KCNH7: variants seen among roughly 807,000 people sequenced by gnomAD.
The protein encoded by KCNH7 is voltage-gated inwardly rectifying potassium channel KCNH7.
Under a neutral mutation model 120.8 loss-of-function variants are expected in KCNH7, and 49 were observed. That is an observed-to-expected ratio of 0.41 (90% CI 0.32 to 0.51). The LOEUF (loss-of-function observed/expected upper bound fraction) is 0.51. Among genes scored for constraint, KCNH7 ranks in the 20% least tolerant of loss-of-function variants. KCNH7 has a pLI of 0.38. For missense variants in KCNH7, 1,097 were observed against 1,446.6 expected, an observed-to-expected ratio of 0.76 and a Z score of 3.92; for synonymous variants, 547 against 516.1, an observed-to-expected ratio of 1.06 and a Z score of -0.81.
At chr2:162,692,093 G>A (rs114000248) in intron 2 of KCNH7, among the ~76,000 whole-genome samples, 374 of 152,036 alleles carry the variant, frequency 2.5e-3, no homozygotes, top group African/African-American at 8.8e-3. Context: ...CATTGTGTAA[G>A]GGAAATTAAT....
At chr2:162,379,362 C>T (rs950210184) in intron 14 of KCNH7, among the ~76,000 whole-genome samples, 3 of 152,148 alleles carry the variant, frequency 2.0e-5, no homozygotes, top group Non-Finnish European at 2.9e-5. Flanking sequence ...TTTAGATCAA[C>T]GGTGAAGGAA....
chr2:162,755,122 T>G (rs1275637805), intron 2 of KCNH7, among the ~76,000 whole-genome samples: 1 of 152,138 alleles, frequency 6.6e-6, no homozygotes, highest in Non-Finnish European at 1.5e-5. Flanking sequence ...TTTTATTTCT[T>G]TAGAACAGAG....
At chr2:162,433,802 C>T (rs1688148465) in intron 8 of KCNH7, among the ~76,000 whole-genome samples, 1 of 151,954 alleles carries the variant, frequency 6.6e-6, no homozygotes, top group Non-Finnish European at 1.5e-5. Context: ...AGTTCAGCAA[C>T]TGTGGAATGC....
intron 6 of KCNH7, among the ~76,000 whole-genome samples, chr2:162,465,164 A>C (rs1462243376): frequency 2.0e-5 from 3 of 152,104 alleles, no homozygotes; most frequent in Non-Finnish European, 4.4e-5. Context: ...TGTCACCAGG[A>C]AGCACTGCTC....
At chr2:162,829,566 G>T (rs1392254419) in intron 2 of KCNH7, among the ~76,000 whole-genome samples, 1 of 152,088 alleles carries the variant, frequency 6.6e-6, no homozygotes, top group African/African-American at 2.4e-5. Context: ...AGTCATTGGT[G>T]GGGTAGCAAG....
At position 162,435,506 on chromosome 2, in the gene KCNH7, G is replaced by T; in HGVS notation, c.1646C>A (p.Ala549Asp). 1 of 1,613,754 alleles carries T rather than the reference G, an allele frequency of 6.2e-7. No homozygotes were observed. The highest frequency in any genetic ancestry group is 1.3e-5 in the African/African-American group (1 of 75,028). The change falls in exon 8 of 16, where the codon GCT becomes GAT. Residue 549 changes from alanine (A) to aspartate (D), a missense_variant. Ala to Asp is a moderately radical substitution (Grantham distance 126). Transcript: ENST00000332142. ...RKLDRYSEYG[A>D]AVLMLLMCIF... Reference sequence around the variant, plus strand: ...GCACATTAAGAGCATTAGAACAGCAGCGCCATATTCTGAATATCGATCCAG... The same window carrying T: ...GCACATTAAGAGCATTAGAACAGCATCGCCATATTCTGAATATCGATCCAG...
chr2:162,682,712 T>C (rs1212741368), intron 2 of KCNH7, among the ~76,000 whole-genome samples: 1 of 151,860 alleles, frequency 6.6e-6, no homozygotes, highest in Non-Finnish European at 1.5e-5. Context: ...AAATACACAG[T>C]AATCGCTGTT....
chr2:162,762,734 A>G (rs1689009764), intron 2 of KCNH7, among the ~76,000 whole-genome samples: 1 of 152,138 alleles, frequency 6.6e-6, no homozygotes, highest in Non-Finnish European at 1.5e-5. Flanking sequence ...ATTCATTTTT[A>G]TATGATAGTT....
At chr2:162,767,866 C>T (rs904534453) in intron 2 of KCNH7, among the ~76,000 whole-genome samples, 4 of 152,046 alleles carry the variant, frequency 2.6e-5, no homozygotes, top group South Asian at 2.1e-4. Flanking sequence ...CCAGGGTTAG[C>T]CCCAGTTAGA....
chr2:162,509,350 A>C (rs990110227), intron 5 of KCNH7, among the ~76,000 whole-genome samples: 3 of 151,540 alleles, frequency 2.0e-5, no homozygotes, highest in Non-Finnish European at 3.0e-5. Flanking sequence ...TGGAGGGCCA[A>C]ATGTGATAGG....
At chr2:162,421,415 T>C (rs1311796898) in intron 9 of KCNH7, among the ~76,000 whole-genome samples, 1 of 152,178 alleles carries the variant, frequency 6.6e-6, no homozygotes, top group Non-Finnish European at 1.5e-5. Context: ...GTCAAGTCAT[T>C]GTTAAAGTTA....
intron 9 of KCNH7, among the ~76,000 whole-genome samples, chr2:162,416,266 G>A (rs1009199231): frequency 4.6e-5 from 7 of 151,780 alleles, no homozygotes; most frequent in Non-Finnish European, 8.8e-5. Context: ...CCAGCTACTG[G>A]GGAGGCTGAG....
At chr2:162,430,025 T>G (rs1041834767) in intron 8 of KCNH7, among the ~76,000 whole-genome samples, 1 of 151,950 alleles carries the variant, frequency 6.6e-6, no homozygotes, top group Non-Finnish European at 1.5e-5. Context: ...TTTAACCTTC[T>G]TCAATGCTTG....
At chr2:162,644,234 G>A (rs1684271419) in intron 2 of KCNH7, among the ~76,000 whole-genome samples, 1 of 152,042 alleles carries the variant, frequency 6.6e-6, no homozygotes, top group African/African-American at 2.4e-5. Flanking sequence ...TTCTCTGAAA[G>A]GAAATTAGCA....
In KCNH7 at chr2:162,391,928, G is replaced by A. The variant is rs534436594; in HGVS notation, c.2710+2461C>T. Among the ~76,000 whole-genome samples the A allele has an allele frequency of 3.3e-5, 5 of 152,004 alleles. No individual in the cohort carries two copies. In the East Asian group the frequency reaches 9.7e-4, roughly 30 times the overall value. On this transcript the variant is annotated intron_variant, in intron 12 of 15. Transcript: ENST00000332142. ...TTCTGATTTTAGAAAAAGTCACCAA[G>A]AAAATAATTAAAGACATTGCAGAAC...
At chr2:162,830,574 G>T (rs1354388838) in intron 2 of KCNH7, among the ~76,000 whole-genome samples, 3 of 152,094 alleles carry the variant, frequency 2.0e-5, no homozygotes, top group Non-Finnish European at 4.4e-5. Context: ...GAATCCAGCT[G>T]GATTTCTCTA....
intron 2 of KCNH7, among the ~76,000 whole-genome samples, chr2:162,554,804 C>T (rs1049335336): frequency 6.6e-6 from 1 of 152,140 alleles, no homozygotes; most frequent in Non-Finnish European, 1.5e-5. Flanking sequence ...GGATCCTTAA[C>T]TTAACTGGAT....
intron 6 of KCNH7, among the ~76,000 whole-genome samples, chr2:162,478,458 A>G (rs1689819428): frequency 6.6e-6 from 1 of 152,310 alleles, no homozygotes; most frequent in East Asian, 1.9e-4. Context: ...TGTAAGTGTA[A>G]TAAGAACAAT....
chr2:162,751,325 A>C (rs1261892207), intron 2 of KCNH7, among the ~76,000 whole-genome samples: 1 of 152,204 alleles, frequency 6.6e-6, no homozygotes, highest in Admixed American at 6.5e-5. Flanking sequence ...AAAAAGGGTA[A>C]ATACAATAAA....
Sources: gnomAD v4.1 joint callset for allele counts (sites outside exome capture counted in the v4.1 genomes callset) on GRCh38, gnomAD v4.1.1 for gene constraint, MANE v1.5 for transcripts, NCBI Gene and HGNC (gene_info 2026-07-23, HGNC 2026-07-21) for gene names.